GRK5: variants seen among roughly 807,000 people sequenced by gnomAD.
The protein encoded by GRK5 is g protein-coupled receptor kinase GRK5.
Under a neutral mutation model 78.4 loss-of-function variants are expected in GRK5, and 40 were observed. That is an observed-to-expected ratio of 0.51 (90% CI 0.40 to 0.66). The LOEUF is 0.66. Among genes scored for constraint, GRK5 ranks in the 30% least tolerant of loss-of-function variants. The pLI is 0.00. For synonymous variants in GRK5, 289 were observed against 296.8 expected (o/e 0.97, Z 0.27); for missense variants, 598 against 759.9 (o/e 0.79, Z 2.50).
chr10:119,378,213 G>A lies in GRK5; in HGVS notation c.149-2602G>A, dbSNP rs1172225513. 2.0e-5 allele frequency among the ~76,000 whole-genome samples: 3 copies of A among 152,144 alleles called. No homozygotes were observed. Among genetic ancestry groups the A allele is most frequent in the East Asian group, 1.9e-4 (1 of 5,192 alleles). On this transcript the variant is annotated intron_variant, in intron 2 of 15. Transcript: ENST00000392870. The surrounding 1 kb of genome is among the most constrained non-coding windows in gnomAD (Gnocchi z 4.5). ...ACCACATCCCTAGGTACCCCTCCCC[G>A]TCAGAACCTGGCACACACTGAGGCT...
At chr10:119,237,723 G>T (rs1359813415) in intron 1 of GRK5, among the ~76,000 whole-genome samples, 1 of 151,990 alleles carries the variant, frequency 6.6e-6, no homozygotes, top group African/African-American at 2.4e-5. Flanking sequence ...GTCGGGTGGG[G>T]TGGGGAAGAG....
At chr10:119,260,454 G>C (rs561783095) in intron 1 of GRK5, among the ~76,000 whole-genome samples, 2 of 149,416 alleles carry the variant, frequency 1.3e-5, no homozygotes, top group African/African-American at 5.0e-5. Context: ...TTCTCACAGA[G>C]GGGGATTTGG....
intron 1 of GRK5, among the ~76,000 whole-genome samples, chr10:119,282,537 C>T (rs1427333924): frequency 3.3e-5 from 5 of 152,214 alleles, no homozygotes; most frequent in Non-Finnish European, 7.3e-5. Flanking sequence ...GGTCGGGTTC[C>T]GGCTGGGGCA....
At chr10:119,297,135 CG>C (rs1458229788) in intron 1 of GRK5, among the ~76,000 whole-genome samples, 1 of 152,138 alleles carries the variant, frequency 6.6e-6, no homozygotes, top group Non-Finnish European at 1.5e-5. Flanking sequence ...AGGAAGGAGT[CG>C]GGAGTTGTAT....
chr10:119,377,306 C>T (rs990503147), intron 2 of GRK5, among the ~76,000 whole-genome samples: 4 of 152,208 alleles, frequency 2.6e-5, no homozygotes, highest in African/African-American at 9.7e-5. Context: ...ACCTATACCT[C>T]GGGTTTGCTC....
rs1853325719 is a variant in GRK5 at position 119,453,148 on chromosome 10, A to T, written c.1546A>T (p.Ile516Leu). The change falls in exon 15 of 16, where the codon ATA (isoleucine) becomes TTA (leucine). Residue 516 changes from isoleucine to leucine, a missense_variant. Ile to Leu is a conservative substitution (Grantham distance 5). Coordinates refer to ENST00000392870, the MANE Select transcript of GRK5 (RefSeq NM_005308.3). ...SVSIPWQNEM[I>L]ETECFKELNV... ...TTTGTTTTCACGGCCCCTCCAGATG[A>T]TAGAAACAGAATGCTTTAAGGAGCT... The T allele has an allele frequency of 6.5e-7, 1 of 1,537,478 alleles. No homozygotes were observed. Among genetic ancestry groups the T allele is most frequent in the Non-Finnish European group, 9.0e-7 (1 of 1,110,092 alleles).
chr10:119,259,517 A>G (rs1373551297), intron 1 of GRK5, among the ~76,000 whole-genome samples: 1 of 152,222 alleles, frequency 6.6e-6, no homozygotes, highest in East Asian at 1.9e-4. Context: ...TGAGTTAGTC[A>G]CTGCTTTTCT....
chr10:119,313,103 AATGATGGTAG>A (rs1564887135), intron 1 of GRK5, among the ~76,000 whole-genome samples: 16 of 48,574 alleles, frequency 3.3e-4, no homozygotes, highest in Non-Finnish European at 5.0e-4. Context: ...TGGTGATGGT[AATGATGGTAG>A]TGGTGATGGT....
chr10:119,293,231 T>A (rs1439295230), intron 1 of GRK5, among the ~76,000 whole-genome samples: 1 of 152,194 alleles, frequency 6.6e-6, no homozygotes, highest in African/African-American at 2.4e-5. Context: ...GACAAGAGAC[T>A]TGAGGTGGCT....
intron 2 of GRK5, among the ~76,000 whole-genome samples, chr10:119,353,666 C>T (rs1252633963): frequency 2.6e-5 from 4 of 152,156 alleles, no homozygotes; most frequent in African/African-American, 9.7e-5. Flanking sequence ...GAATTTGACG[C>T]ACTCAGAAAG....
At chr10:119,210,033 T>C (rs1181274665) in intron 1 of GRK5, among the ~76,000 whole-genome samples, 3 of 152,222 alleles carry the variant, frequency 2.0e-5, no homozygotes, top group Non-Finnish European at 2.9e-5. Context: ...TGGGTTTTTT[T>C]CCCAGAGCCT....
At chr10:119,274,106 C>G (rs1253027879) in intron 1 of GRK5, among the ~76,000 whole-genome samples, 1 of 152,106 alleles carries the variant, frequency 6.6e-6, no homozygotes, top group Non-Finnish European at 1.5e-5. Context: ...TGAGAGAGCC[C>G]TGAGGTGCTT....
At chr10:119,417,133 T>C (rs1852472690) in intron 4 of GRK5, among the ~76,000 whole-genome samples, 1 of 152,194 alleles carries the variant, frequency 6.6e-6, no homozygotes, top group African/African-American at 2.4e-5. Context: ...GGTTGGGCTG[T>C]CGCCTGCCCT....
At chr10:119,393,112 G>T (rs1336752835) in intron 3 of GRK5, among the ~76,000 whole-genome samples, 2 of 152,218 alleles carry the variant, frequency 1.3e-5, no homozygotes, top group Non-Finnish European at 2.9e-5. Flanking sequence ...TCCCCTCAGG[G>T]GGCCACTGTG....
chr10:119,251,063 T>G (rs1849191010), intron 1 of GRK5, among the ~76,000 whole-genome samples: 1 of 152,178 alleles, frequency 6.6e-6, no homozygotes, highest in South Asian at 2.1e-4. Context: ...GTTTTGTGTG[T>G]GTTTTCAATG....
intron 1 of GRK5, among the ~76,000 whole-genome samples, chr10:119,297,817 A>G (rs1012812490): frequency 5.9e-5 from 9 of 152,236 alleles, no homozygotes; most frequent in African/African-American, 2.2e-4. Context: ...TCTGTTGTTT[A>G]TAAATTACCC....
At chr10:119,300,073 C>A (rs1850149655) in intron 1 of GRK5, among the ~76,000 whole-genome samples, 1 of 152,116 alleles carries the variant, frequency 6.6e-6, no homozygotes, top group Non-Finnish European at 1.5e-5. Context: ...CAAGCATTCC[C>A]TGCAAAAGGC....
At chr10:119,394,244 C>G (rs1209086180) in intron 3 of GRK5, among the ~76,000 whole-genome samples, 11 of 2,954 alleles carry the variant, frequency 3.7e-3, no homozygotes, top group African/African-American at 4.7e-3. Context: ...GTGTGGGTGT[C>G]TGTGTGTGGA....
At chr10:119,396,070 A>G (rs1216508590) in intron 3 of GRK5, among the ~76,000 whole-genome samples, 2 of 152,242 alleles carry the variant, frequency 1.3e-5, no homozygotes, top group African/African-American at 4.8e-5. Context: ...GCAAGGTGTA[A>G]TAATCACAAT....
Sources: allele counts gnomAD v4.1 joint callset (sites outside exome capture counted in the v4.1 genomes callset), GRCh38; gene constraint gnomAD v4.1.1; non-coding constraint Gnocchi (gnomAD v3.1); transcripts MANE v1.5; gene names NCBI Gene and HGNC (gene_info 2026-07-23, HGNC 2026-07-21).